The following ENTREP2 variants were observed in gnomAD, a reference collection of about 807,000 sequenced individuals.
ENTREP2 encodes endosomal transmembrane epsin interactor 2.
chr15:29,542,998 C>T, the ENTREP2 span, among the ~76,000 whole-genome samples: 3 of 152,106 alleles, frequency 2.0e-5, no homozygotes, highest in African/African-American at 7.2e-5. Flanking sequence ...GGGTTGCTTC[C>T]ACCTCTTAAC....
the ENTREP2 span, among the ~76,000 whole-genome samples, chr15:29,258,737 T>C: frequency 6.6e-6 from 1 of 152,192 alleles, no homozygotes. Context: ...AATCATTCCT[T>C]ATCCTCCCTC....
At chr15:29,203,495 G>T in the ENTREP2 span, among the ~76,000 whole-genome samples, 1 of 152,080 alleles carries the variant, frequency 6.6e-6, no homozygotes, top group African/African-American at 2.4e-5. Context: ...CATTCTAACT[G>T]GCATGAGATG....
chr15:29,568,433 T>C, the ENTREP2 span, among the ~76,000 whole-genome samples: 1 of 152,170 alleles, frequency 6.6e-6, no homozygotes, highest in African/African-American at 2.4e-5. Context: ...GGCTCAAGCT[T>C]GTAATCTCAG....
the ENTREP2 span, chr15:29,123,369 G>A: frequency 1.9e-6 from 3 of 1,543,248 alleles, no homozygotes; most frequent in South Asian, 2.4e-5. Flanking sequence ...CAGCGCCGAA[G>A]ACGGCCTCCT....
At chr15:29,345,119 C>G in the ENTREP2 span, among the ~76,000 whole-genome samples, 1 of 152,212 alleles carries the variant, frequency 6.6e-6, no homozygotes, top group Admixed American at 6.5e-5. Flanking sequence ...ACCACTAAGG[C>G]TACAAGTGCC....
At chr15:29,389,191 C>T in the ENTREP2 span, among the ~76,000 whole-genome samples, 10 of 151,956 alleles carry the variant, frequency 6.6e-5, no homozygotes, top group South Asian at 2.1e-4. Flanking sequence ...GGAAGGAGCC[C>T]TCACCAGAAA....
chr15:29,220,698 G>A, the ENTREP2 span, among the ~76,000 whole-genome samples: 7 of 151,826 alleles, frequency 4.6e-5, 1 homozygote, highest in African/African-American at 1.7e-4. Context: ...GTTTTCTTTG[G>A]TGCATGAACG....
the ENTREP2 span, among the ~76,000 whole-genome samples, chr15:29,590,742 GGGAA>G: frequency 6.6e-6 from 1 of 150,722 alleles, no homozygotes; most frequent in African/African-American, 2.4e-5. Context: ...GGGAGAAGGA[GGGAA>G]GGAAGGGAAA....
the ENTREP2 span, among the ~76,000 whole-genome samples, chr15:29,598,948 G>A: frequency 4.6e-5 from 7 of 152,098 alleles, no homozygotes; most frequent in Non-Finnish European, 8.8e-5. Context: ...CGCCCGCCTC[G>A]GCCTCCCAAA....
chr15:29,413,282 CTTT>C, the ENTREP2 span, among the ~76,000 whole-genome samples: 1 of 152,078 alleles, frequency 6.6e-6, no homozygotes, highest in South Asian at 2.1e-4. Flanking sequence ...TGGTTGTGTT[CTTT>C]AAGTTATTAC....
At chr15:29,599,360 A>C in the ENTREP2 span, among the ~76,000 whole-genome samples, 1 of 152,238 alleles carries the variant, frequency 6.6e-6, no homozygotes, top group Non-Finnish European at 1.5e-5. Flanking sequence ...TGCTCTAAAG[A>C]GACAGACCAT....
the ENTREP2 span, among the ~76,000 whole-genome samples, chr15:29,490,201 C>T: frequency 6.6e-6 from 1 of 151,612 alleles, no homozygotes; most frequent in Non-Finnish European, 1.5e-5. Flanking sequence ...GTCGTTAGTT[C>T]CTTGTGGTGT....
chr15:29,508,488 C>T, the ENTREP2 span, among the ~76,000 whole-genome samples: 2 of 152,138 alleles, frequency 1.3e-5, no homozygotes, highest in African/African-American at 2.4e-5. Context: ...AACACCAATG[C>T]GAAAATCCTC....
At chr15:29,491,118 G>C in the ENTREP2 span, among the ~76,000 whole-genome samples, 1 of 152,222 alleles carries the variant, frequency 6.6e-6, no homozygotes, top group African/African-American at 2.4e-5. Flanking sequence ...TGGTGGCCCA[G>C]GTACTAAGCC....
At chr15:29,193,286 G>C in the ENTREP2 span, among the ~76,000 whole-genome samples, 4 of 152,200 alleles carry the variant, frequency 2.6e-5, no homozygotes, top group Non-Finnish European at 5.9e-5. Context: ...GAGTGGGGAA[G>C]ATCCACCCTC....
At chr15:29,615,370 G>C in the ENTREP2 span, among the ~76,000 whole-genome samples, 4 of 152,058 alleles carry the variant, frequency 2.6e-5, no homozygotes, top group African/African-American at 9.7e-5. Context: ...TGGCCAGTCT[G>C]GTCTCGAACT....
the ENTREP2 span, among the ~76,000 whole-genome samples, chr15:29,406,274 G>A: frequency 2.6e-5 from 4 of 152,156 alleles, no homozygotes; most frequent in Non-Finnish European, 4.4e-5. Flanking sequence ...CTTATGAAAA[G>A]ATAAACATAA....
the ENTREP2 span, among the ~76,000 whole-genome samples, chr15:29,492,779 A>G: frequency 4.6e-5 from 7 of 152,056 alleles, no homozygotes; most frequent in Non-Finnish European, 1.0e-4. Flanking sequence ...CAAAGCAGGT[A>G]GATCACCTGA....
the ENTREP2 span, among the ~76,000 whole-genome samples, chr15:29,533,641 C>A: frequency 6.6e-6 from 1 of 152,068 alleles, no homozygotes; most frequent in Non-Finnish European, 1.5e-5. Context: ...CCCATAAGGT[C>A]CATTGTAGAG....
Sources: allele counts gnomAD v4.1 joint callset (sites outside exome capture counted in the v4.1 genomes callset), GRCh38; gene constraint gnomAD v4.1.1; transcripts MANE v1.5; gene names NCBI Gene and HGNC (gene_info 2026-07-23, HGNC 2026-07-21).